ADAMTS19: variants seen among roughly 807,000 people sequenced by gnomAD.
ADAMTS19 encodes ADAM metallopeptidase with thrombospondin type 1 motif 19.
In ADAMTS19, 93 loss-of-function variants were observed where a neutral mutation model predicts 153.3. That is an observed-to-expected ratio of 0.61 (90% CI 0.51 to 0.72). The LOEUF (loss-of-function observed/expected upper bound fraction) is 0.72, where lower values mean the gene tolerates loss of function less well. Ranked by LOEUF, ADAMTS19 falls within the 30% of genes least tolerant of loss-of-function variation. The pLI is 0.00. For missense variants in ADAMTS19, 1,482 were observed against 1,552.1 expected, an observed-to-expected ratio of 0.95 and a Z score of 0.76; for synonymous variants, 600 against 556.6, an observed-to-expected ratio of 1.08 and a Z score of -1.10.
intron 21 of ADAMTS19, among the ~76,000 whole-genome samples, chr5:129,714,142 G>A (rs766326368): frequency 3.9e-5 from 6 of 152,244 alleles, no homozygotes; most frequent in East Asian, 1.9e-4. Context: ...ATATCTGGCC[G>A]GGCGCGGTGG....
intron 7 of ADAMTS19, among the ~76,000 whole-genome samples, chr5:129,565,371 AC>A (rs2126852103): frequency 6.6e-6 from 1 of 152,286 alleles, no homozygotes; most frequent in South Asian, 2.1e-4. Context: ...TTCATCTTGT[AC>A]TAAATTCTCA....
At chr5:129,643,382 A>AAAAAAAAAAAAAAAAAAAAAG (rs1554101887) in intron 11 of ADAMTS19, among the ~76,000 whole-genome samples, 1 of 142,726 alleles carries the variant, frequency 7.0e-6, no homozygotes, top group African/African-American at 2.6e-5. Context: ...AAAAAAAAAA[A>AAAAAAAAAAAAAAAAAAAAAG]AAAAGAAAAA....
chr5:129,691,399 G>T (rs992391255), intron 18 of ADAMTS19, among the ~76,000 whole-genome samples: 15 of 152,154 alleles, frequency 9.9e-5, no homozygotes, highest in African/African-American at 3.6e-4. Context: ...CAGGCAGAAG[G>T]TCAGTTATTT....
intron 21 of ADAMTS19, among the ~76,000 whole-genome samples, chr5:129,723,737 G>A: frequency 6.6e-6 from 1 of 152,154 alleles, no homozygotes. Flanking sequence ...TTTATTCTGA[G>A]CCAAATATGT....
At chr5:129,696,680 G>A (rs1755569560) in intron 19 of ADAMTS19, among the ~76,000 whole-genome samples, 1 of 152,134 alleles carries the variant, frequency 6.6e-6, no homozygotes, top group South Asian at 2.1e-4. Flanking sequence ...TAAATGTGAG[G>A]CATAACTTGG....
chr5:129,488,127 G>T (rs1016598080), intron 2 of ADAMTS19, among the ~76,000 whole-genome samples: 3 of 152,038 alleles, frequency 2.0e-5, no homozygotes, highest in East Asian at 3.8e-4. Flanking sequence ...AATACACCGA[G>T]ATTTTATGTT....
At position 129,658,641 on chromosome 5, in the gene ADAMTS19, G is replaced by A; in HGVS notation, c.2329G>A (p.Gly777Arg). Reference protein sequence around the residue: ...CQKVGCDGLLGSLAREDHCGV... With the variant: ...CQKVGCDGLLRSLAREDHCGV... ...GAAAGTTGGCTGTGATGGTTTATTA[G>A]GGTCTCTTGCAAGAGAAGATCATTG... Residue 777 changes from glycine to arginine, a missense_variant, in exon 15 of 23, where the codon GGG becomes AGG. Transcript: ENST00000274487. The A allele has an allele frequency of 1.9e-6, 3 of 1,612,890 alleles. No individual in the cohort carries two copies. Among genetic ancestry groups the A allele is most frequent in the Non-Finnish European group, 2.5e-6 (3 of 1,179,482 alleles).
chr5:129,603,116 C>T lies in ADAMTS19; in HGVS notation c.1478+6452C>T, dbSNP rs544974983. ...CTGATTTACATTCCGGCACCAGCTA[C>T]TTATCTGGATACAAATCAGTAATAA... On this transcript the variant is annotated intron_variant, in intron 8 of 22. Transcript: ENST00000274487. Among the ~76,000 whole-genome samples the T allele has an allele frequency of 1.6e-3, 242 of 152,142 alleles. 1 individual carries two copies. Among genetic ancestry groups the T allele is most frequent in the African/African-American group, 5.7e-3 (238 of 41,522 alleles).
chr5:129,513,326 A>G (rs945922080), intron 3 of ADAMTS19, among the ~76,000 whole-genome samples: 2 of 151,690 alleles, frequency 1.3e-5, no homozygotes, highest in African/African-American at 4.8e-5. Flanking sequence ...CTTCTGTGTT[A>G]TTATTATAAT....
rs958937268 is a variant in ADAMTS19, at chr5:129,637,873, C to T, written c.1771-3986C>T. ...CCAAAACAACAAGAACAACAACAAA[C>T]CAACTACCACATGTTCTCACTTACA... On this transcript the variant is annotated intron_variant, in intron 10 of 22. Transcript: ENST00000274487. Among the ~76,000 whole-genome samples the T allele has an allele frequency of 2.0e-5, 3 of 151,968 alleles. No homozygotes were observed. The East Asian group carries it at 5.8e-4, about 29-fold the overall frequency.
intron 3 of ADAMTS19, among the ~76,000 whole-genome samples, chr5:129,515,774 T>G (rs1262649753): frequency 2.6e-5 from 4 of 151,994 alleles, no homozygotes; most frequent in African/African-American, 9.7e-5. Context: ...TAGATGCCCT[T>G]TATATTTTTC....
At chr5:129,576,200 C>T (rs1190864899) in intron 7 of ADAMTS19, among the ~76,000 whole-genome samples, 1 of 151,870 alleles carries the variant, frequency 6.6e-6, no homozygotes, top group African/African-American at 2.4e-5. Context: ...TAGAAATCAC[C>T]ACTGCTGCTC....
At chr5:129,635,024 T>A (rs35148689) in intron 10 of ADAMTS19, among the ~76,000 whole-genome samples, 3,923 of 151,358 alleles carry the variant, frequency 0.026, 69 homozygotes, top group Admixed American at 0.043. Context: ...AAACTATGAA[T>A]CTAACAAAGA....
intron 7 of ADAMTS19, among the ~76,000 whole-genome samples, chr5:129,571,560 A>T (rs945489024): frequency 6.6e-6 from 1 of 151,718 alleles, no homozygotes; most frequent in Non-Finnish European, 1.5e-5. Flanking sequence ...TACCATGTTT[A>T]TGGAGTGGAA....
chr5:129,720,540 C>G (rs944433782), intron 21 of ADAMTS19, among the ~76,000 whole-genome samples: 1 of 152,146 alleles, frequency 6.6e-6, no homozygotes, highest in Non-Finnish European at 1.5e-5. Context: ...GAAAGAATTA[C>G]AAGACTCAGT....
intron 2 of ADAMTS19, among the ~76,000 whole-genome samples, chr5:129,496,567 G>A (rs1750933518): frequency 6.6e-6 from 1 of 151,814 alleles, no homozygotes; most frequent in Non-Finnish European, 1.5e-5. Flanking sequence ...GTATGTAGGA[G>A]GTTGGCAACA....
intron 2 of ADAMTS19, among the ~76,000 whole-genome samples, chr5:129,488,270 CAT>C (rs1328422889): frequency 6.6e-6 from 1 of 152,160 alleles, no homozygotes; most frequent in African/African-American, 2.4e-5. Flanking sequence ...AAATTGTTCA[CAT>C]ATGTCATTTC....
intron 8 of ADAMTS19, among the ~76,000 whole-genome samples, chr5:129,606,818 T>G (rs1013765744): frequency 4.0e-5 from 6 of 151,104 alleles, no homozygotes; most frequent in Non-Finnish European, 8.9e-5. Context: ...CCTATCCCAA[T>G]TGTACTTACC....
At chr5:129,567,587 G>T (rs1402245232) in intron 7 of ADAMTS19, among the ~76,000 whole-genome samples, 1 of 152,096 alleles carries the variant, frequency 6.6e-6, no homozygotes, top group Admixed American at 6.5e-5. Context: ...CTGAATAGCG[G>T]CATGGAGCTG....
Sources: allele counts gnomAD v4.1 joint callset (sites outside exome capture counted in the v4.1 genomes callset), GRCh38; gene constraint gnomAD v4.1.1; transcripts MANE v1.5; gene names NCBI Gene and HGNC (gene_info 2026-07-23, HGNC 2026-07-21).